AHCY: variants seen among roughly 807,000 people sequenced by gnomAD.
AHCY encodes adenosylhomocysteinase, also known as S-adenosyl-L-homocysteine hydrolase.
Under a neutral mutation model 45.4 loss-of-function variants are expected in AHCY, and 24 were observed. The ratio of observed to expected loss-of-function variants is 0.53; its 90% confidence interval spans 0.38 to 0.74. AHCY has a LOEUF of 0.74. Among genes scored for constraint, AHCY ranks in the 30% least tolerant of loss-of-function variants. The pLI is 0.00. For synonymous variants in AHCY, 245 were observed against 235.1 expected (o/e 1.04, Z -0.39); for missense variants, 449 against 594.1 (o/e 0.76, Z 2.54).
chr20:34,306,403 T>C (rs541517313), upstream of AHCY, among the ~76,000 whole-genome samples: 9 of 151,824 alleles, frequency 5.9e-5, no homozygotes, highest in Admixed American at 1.3e-4. Context: ...AGTGTCTCTC[T>C]GTTGCCCAGG....
chr20:34,259,109 A>G, the AHCY span, among the ~76,000 whole-genome samples: 1 of 150,562 alleles, frequency 6.6e-6, no homozygotes, highest in Admixed American at 6.7e-5. Flanking sequence ...ACTCAGGAGG[A>G]TGAGGTGGGA....
At chr20:34,286,611 A>G (rs2036194942) in intron 8 of AHCY, 3 of 152,178 alleles carry the variant, frequency 2.0e-5, no homozygotes, top group South Asian at 2.1e-4. Flanking sequence ...GGCGGGGGGA[A>G]TCACCTGAGG....
chr20:34,234,502 C>CTCCTTCCT, the AHCY span, among the ~76,000 whole-genome samples: 1 of 151,088 alleles, frequency 6.6e-6, no homozygotes, highest in Non-Finnish European at 1.5e-5. Flanking sequence ...CTTTTCTTTT[C>CTCCTTCCT]TCCTTCCTTC....
chr20:34,235,958 AAGGAAGGAG>A, the AHCY span, among the ~76,000 whole-genome samples: 15 of 84,826 alleles, frequency 1.8e-4, no homozygotes, highest in African/African-American at 3.5e-3. Flanking sequence ...GGAAGGAAGG[AAGGAAGGAG>A]GGAGGGAGGG....
chr20:34,311,539 G>C (rs1345807082), exon 1 of AHCY: 1 of 152,598 alleles, frequency 6.6e-6, no homozygotes, highest in Non-Finnish European at 1.5e-5. Flanking sequence ...GGGCGGAGAG[G>C]GGGCGGAGGG....
At chr20:34,253,858 G>C in the AHCY span, among the ~76,000 whole-genome samples, 1 of 152,122 alleles carries the variant, frequency 6.6e-6, no homozygotes, top group East Asian at 1.9e-4. Context: ...CGTGTGTCTG[G>C]ATCCTTCTTT....
chr20:34,305,159 C>CAAAAAAA (rs528737503), upstream of AHCY, among the ~76,000 whole-genome samples: 8 of 109,390 alleles, frequency 7.3e-5, no homozygotes, highest in African/African-American at 2.3e-4. Context: ...ACTAAAAATA[C>CAAAAAAA]AAAAAAAAAA....
At chr20:34,257,898 CT>C in the AHCY span, among the ~76,000 whole-genome samples, 1 of 152,198 alleles carries the variant, frequency 6.6e-6, no homozygotes, top group African/African-American at 2.4e-5. Context: ...AACCCCAGCA[CT>C]TTGGGAAGCC....
Position 34,290,443 on chromosome 20 carries a change from A to G in AHCY, c.861T>C (p.Phe287=). Residue 287 remains phenylalanine, a synonymous_variant, in exon 8 of 10, where the codon TTT becomes TTC. Transcript: ENST00000217426. The surrounding 1 kb of genome is among the most constrained non-coding windows in gnomAD (Gnocchi z 4.5). ...CAATGGCATCATCCTTCATCTGCTC[A>G]AAGTGCCTGTCAGGCAGCCCAAGAC... ...GCIDIILGRH[F]EQMKDDAIVC... 6.2e-7 allele frequency: 1 copy of G among 1,614,236 alleles called. No individual in the cohort carries two copies. Among genetic ancestry groups the G allele is most frequent in the South Asian group, 1.1e-5 (1 of 91,090 alleles).
chr20:34,263,021 G>T, the AHCY span: 1 of 1,099,818 alleles, frequency 9.1e-7, no homozygotes, highest in Non-Finnish European at 1.3e-6. Context: ...AAAAGAAACT[G>T]AAAGCTACTA....
the AHCY span, chr20:34,269,168 G>A: frequency 2.0e-6 from 3 of 1,521,964 alleles, no homozygotes; most frequent in South Asian, 3.7e-5. Context: ...CAACTGCTGA[G>A]CGCCCCCACT....
the AHCY span, among the ~76,000 whole-genome samples, chr20:34,270,551 CA>C: frequency 6.6e-6 from 1 of 152,318 alleles, no homozygotes; most frequent in East Asian, 1.9e-4. Context: ...GGGGTGAGGC[CA>C]GGATGCAAAG....
upstream of AHCY, chr20:34,303,382 A>T (rs951045516): frequency 4.6e-5 from 67 of 1,462,808 alleles, no homozygotes; most frequent in Non-Finnish European, 5.7e-5. Flanking sequence ...GACGCCTTTA[A>T]ATATCTTCCT....
At chr20:34,261,479 C>A in the AHCY span, among the ~76,000 whole-genome samples, 1 of 152,118 alleles carries the variant, frequency 6.6e-6, no homozygotes, top group Non-Finnish European at 1.5e-5. Flanking sequence ...ATTAAAAATA[C>A]AAAAATTAAC....
chr20:34,303,826 T>G (rs894159135), upstream of AHCY, among the ~76,000 whole-genome samples: 1 of 151,878 alleles, frequency 6.6e-6, no homozygotes, highest in African/African-American at 2.4e-5. Context: ...AGACCTGAAC[T>G]CTACAAAAAA....
chr20:34,236,545 CA>C, the AHCY span, among the ~76,000 whole-genome samples: 38 of 136,940 alleles, frequency 2.8e-4, no homozygotes, highest in Middle Eastern at 4.4e-3. Context: ...AACTCTGTCT[CA>C]AAAAAAAAAA....
At chr20:34,296,464 C>G (rs575577483) in intron 1 of AHCY, among the ~76,000 whole-genome samples, 1 of 152,160 alleles carries the variant, frequency 6.6e-6, no homozygotes, top group Non-Finnish European at 1.5e-5. Flanking sequence ...TAATCTACAT[C>G]CTCTGGCTTC....
the AHCY span, among the ~76,000 whole-genome samples, chr20:34,269,538 G>C: frequency 6.6e-6 from 1 of 152,012 alleles, no homozygotes; most frequent in Non-Finnish European, 1.5e-5. Flanking sequence ...GAACACCCGA[G>C]GCTGCCTCCA....
At chr20:34,289,065 G>A (rs540146682) in intron 8 of AHCY, among the ~76,000 whole-genome samples, 3 of 151,970 alleles carry the variant, frequency 2.0e-5, no homozygotes, top group East Asian at 3.9e-4. Context: ...GTGCAATGGC[G>A]CAATCTCGGC....
Sources: gnomAD v4.1 joint callset for allele counts (sites outside exome capture counted in the v4.1 genomes callset) on GRCh38, gnomAD v4.1.1 for gene constraint, Gnocchi (gnomAD v3.1) non-coding constraint, MANE v1.5 for transcripts, NCBI Gene and HGNC (gene_info 2026-07-23, HGNC 2026-07-21) for gene names.